DTL: variants seen among roughly 807,000 people sequenced by gnomAD.
DTL encodes denticleless protein homolog.
A neutral mutation model predicts 87.0 loss-of-function variants in DTL; 46 were observed. The ratio of observed to expected loss-of-function variants is 0.53; its 90% CI spans 0.42 to 0.68. The LOEUF (loss-of-function observed/expected upper bound fraction) is 0.68, where lower values mean the gene tolerates loss of function less well. DTL is among the 30% of genes least tolerant of loss of function. The probability of loss-of-function intolerance (pLI) is 0.00; values close to 1 mark genes in which losing one functional copy is unlikely to be tolerated. For missense variants in DTL, 737 were observed against 869.4 expected (o/e 0.85, Z 1.91); for synonymous variants, 308 against 311.2 (o/e 0.99, Z 0.11).
At chr1:212,060,138 C>T (rs531829713) in intron 5 of DTL, among the ~76,000 whole-genome samples, 4 of 152,180 alleles carry the variant, frequency 2.6e-5, no homozygotes, top group South Asian at 2.1e-4. Context: ...CATCAAAATA[C>T]CAACATCATT....
At chr1:212,071,569 C>T (rs1446061019) in intron 10 of DTL, among the ~76,000 whole-genome samples, 1 of 152,138 alleles carries the variant, frequency 6.6e-6, no homozygotes, top group Non-Finnish European at 1.5e-5. Context: ...TTAACCAGAA[C>T]TCAAATGATA....
Position 212,100,438 on chromosome 1 carries a change from G to A in DTL, c.1448G>A (p.Arg483Lys). The change falls in exon 14 of 15, where the codon AGA (arginine) becomes AAA (lysine). Residue 483 changes from arginine to lysine, a missense_variant. Coordinates refer to ENST00000366991, the MANE Select transcript of DTL (RefSeq NM_016448.4). Reference sequence around the variant, plus strand: ...AAGGCCCGGTCTCCCATCAACAGAAGAGGCTCTGTCTCCTCCGTCTCTCCC... The same window carrying A: ...AAGGCCCGGTCTCCCATCAACAGAAAAGGCTCTGTCTCCTCCGTCTCTCCC... ...PAKARSPINR[R>K]GSVSSVSPKP... 1 of 1,613,946 alleles carries A rather than the reference G, an allele frequency of 6.2e-7. No individual in the cohort carries two copies. The highest frequency in any genetic ancestry group is 1.7e-5 in the Admixed American group (1 of 59,998).
chr1:212,045,542 TA>T (rs1314784180), intron 3 of DTL, among the ~76,000 whole-genome samples: 2 of 152,146 alleles, frequency 1.3e-5, no homozygotes, highest in African/African-American at 4.8e-5. Context: ...AGTGTTGAAA[TA>T]ACTGAAATAA....
chr1:212,042,608 G>A (rs1427597317), intron 1 of DTL, among the ~76,000 whole-genome samples: 3 of 152,218 alleles, frequency 2.0e-5, no homozygotes, highest in African/African-American at 4.8e-5. Flanking sequence ...TTTGTATGAT[G>A]TTCTGGAATA....
chr1:212,046,950 C>G (rs1477822522), intron 3 of DTL, among the ~76,000 whole-genome samples: 1 of 152,188 alleles, frequency 6.6e-6, no homozygotes, highest in Non-Finnish European at 1.5e-5. Context: ...TTGCCAGCAT[C>G]TGTTGTTTCT....
In DTL at chr1:212,104,412, CT is replaced by C. The variant is rs2102593515; in HGVS notation, c.*1473del. ...AATAAAAGGAAGCCATAGAATTGCTCTGGTCAAAACCAAGCACACCATAGCC... is the reference window on the plus strand; with the variant it reads ...AATAAAAGGAAGCCATAGAATTGCTCGGTCAAAACCAAGCACACCATAGCC... On this transcript the variant is annotated 3_prime_UTR_variant, in exon 15 of 15. Coordinates refer to ENST00000366991, the MANE Select transcript of DTL (RefSeq NM_016448.4). The C allele has an allele frequency of 6.6e-6, 1 of 152,258 alleles. No homozygotes were observed. Among genetic ancestry groups the C allele is most frequent in the African/African-American group, 2.4e-5 (1 of 41,556 alleles). The allele number at this position is 152,258 out of a possible 1,614,324, so 9.4% of individuals were successfully genotyped here.
intron 5 of DTL, among the ~76,000 whole-genome samples, chr1:212,060,259 G>A (rs1379865248): frequency 6.6e-6 from 1 of 152,024 alleles, no homozygotes; most frequent in African/African-American, 2.4e-5. Flanking sequence ...AACTAAAACA[G>A]CATGGCATAA....
intron 5 of DTL, among the ~76,000 whole-genome samples, chr1:212,053,274 T>A (rs765930875): frequency 2.6e-5 from 4 of 152,182 alleles, no homozygotes; most frequent in Non-Finnish European, 4.4e-5. Flanking sequence ...AAAATTTTCT[T>A]ATGTTTTTTT....
chr1:212,093,264 G>C (rs1183986727), intron 13 of DTL, among the ~76,000 whole-genome samples: 3 of 152,182 alleles, frequency 2.0e-5, no homozygotes, highest in African/African-American at 7.2e-5. Flanking sequence ...GTCTGGGGGT[G>C]AATGTTTATA....
intron 13 of DTL, among the ~76,000 whole-genome samples, chr1:212,084,369 A>G (rs1655070501): frequency 6.6e-6 from 1 of 151,766 alleles, no homozygotes; most frequent in Non-Finnish European, 1.5e-5. Context: ...TATTTTTAGT[A>G]GAGATGGGGT....
At chr1:212,041,927 T>A (rs964171073) in intron 1 of DTL, among the ~76,000 whole-genome samples, 2 of 152,228 alleles carry the variant, frequency 1.3e-5, no homozygotes, top group African/African-American at 4.8e-5. Flanking sequence ...GGTGCCCTTC[T>A]GTTGATTCAT....
intron 11 of DTL, among the ~76,000 whole-genome samples, chr1:212,077,177 G>A (rs899310359): frequency 6.6e-6 from 1 of 152,106 alleles, no homozygotes; most frequent in East Asian, 1.9e-4. Flanking sequence ...ACTTCTCTCA[G>A]CCCCAACCTC....
rs374595519 is a variant in DTL at position 212,055,508 on chromosome 1, G to A, written c.461-7376G>A. ...GGCTGAATTGGGAGCCACACACAGC[G>A]ACCTCATTCCCCTGAGTGGAGGGGC... is the stretch of plus-strand genomic sequence containing the variant. On this transcript the variant is annotated intron_variant, in intron 5 of 14. Coordinates refer to ENST00000366991, the MANE Select transcript of DTL (RefSeq NM_016448.4). Among the ~76,000 whole-genome samples, 51 of 152,186 alleles carry A rather than the reference G, an allele frequency of 3.4e-4. 1 individual carries two copies. Among genetic ancestry groups the A allele is most frequent in the African/African-American group, 1.0e-3 (42 of 41,528 alleles).
chr1:212,054,580 G>A (rs997712761), intron 5 of DTL, among the ~76,000 whole-genome samples: 1 of 151,900 alleles, frequency 6.6e-6, no homozygotes, highest in Non-Finnish European at 1.5e-5. Flanking sequence ...GATCACCTGA[G>A]GTCAGGAGTT....
intron 5 of DTL, among the ~76,000 whole-genome samples, chr1:212,061,052 A>G (rs1654283975): frequency 6.6e-6 from 1 of 152,192 alleles, no homozygotes; most frequent in South Asian, 2.1e-4. Flanking sequence ...ACAAAATATT[A>G]AAAAGTAGGC....
intron 13 of DTL, among the ~76,000 whole-genome samples, chr1:212,094,371 C>G (rs1431301101): frequency 6.6e-6 from 1 of 152,122 alleles, no homozygotes; most frequent in African/African-American, 2.4e-5. Flanking sequence ...CTTTCCCCAC[C>G]TCATGTTTTT....
intron 3 of DTL, 122 bp downstream of exon 3, chr1:212,044,880 G>A: frequency 1.6e-6 from 1 of 619,554 alleles, no homozygotes. Context: ...GAATAACTGA[G>A]ACTGGGTAGT....
intron 13 of DTL, among the ~76,000 whole-genome samples, chr1:212,091,536 A>T (rs980022329): frequency 6.6e-6 from 1 of 152,236 alleles, no homozygotes. Context: ...TAGCCAAGAT[A>T]TGGAATCACC....
chr1:212,055,539 C>T (rs1325566991), intron 5 of DTL, among the ~76,000 whole-genome samples: 1 of 152,180 alleles, frequency 6.6e-6, no homozygotes, highest in Non-Finnish European at 1.5e-5. Context: ...GGGGCAGCTG[C>T]ACATTTTCAC....
Sources: allele counts gnomAD v4.1 joint callset (sites outside exome capture counted in the v4.1 genomes callset), GRCh38; gene constraint gnomAD v4.1.1; transcripts MANE v1.5; gene names NCBI Gene and HGNC (gene_info 2026-07-23, HGNC 2026-07-21).